CTCF: variants seen among roughly 807,000 people sequenced by gnomAD.
CTCF encodes the protein CCCTC-binding factor.
A neutral mutation model predicts 72.3 loss-of-function variants in CTCF; 7 were observed. That is an observed-to-expected ratio of 0.10 (90% CI 0.06 to 0.18). The LOEUF is 0.18. Among genes scored for constraint, CTCF ranks in the 10% least tolerant of loss-of-function variants. The pLI, the probability that CTCF is intolerant of heterozygous loss-of-function variation, is 1.00. For synonymous variants in CTCF, 374 were observed against 315.8 expected, an observed-to-expected ratio of 1.18 and a Z score of -1.95; for missense variants, 516 against 949.1, an observed-to-expected ratio of 0.54 and a Z score of 6.00.
At chr16:67,621,910 C>G (rs1359180850) in intron 7 of CTCF, among the ~76,000 whole-genome samples, 4 of 152,028 alleles carry the variant, frequency 2.6e-5, no homozygotes, top group Non-Finnish European at 5.9e-5. Context: ...AGGAAAGTAA[C>G]ATAGTGTGAT....
At chr16:67,616,899 T>C in intron 5 of CTCF, 21 bp downstream of exon 5, 1 of 1,613,324 alleles carries the variant, frequency 6.2e-7, no homozygotes, top group Non-Finnish European at 8.5e-7. Context: ...AGCTTTTTGT[T>C]GGTATCTCTC....
At chr16:67,624,482 G>A (rs2052254642) in intron 7 of CTCF, among the ~76,000 whole-genome samples, 1 of 151,870 alleles carries the variant, frequency 6.6e-6, no homozygotes, top group South Asian at 2.1e-4. Flanking sequence ...TTCTTCCCTT[G>A]GCCTCTGTGA....
chr16:67,569,535 C>G (rs556798318), intron 1 of CTCF, among the ~76,000 whole-genome samples: 1 of 152,094 alleles, frequency 6.6e-6, no homozygotes, highest in East Asian at 1.9e-4. Flanking sequence ...AGGTTCCACT[C>G]TACCTTTGCT....
rs1597723987 is a variant in CTCF, at chr16:67,624,914, G to A, written c.1358-1641G>A. 2.0e-5 allele frequency among the ~76,000 whole-genome samples: 3 copies of A among 151,828 alleles called. 1 individual carries two copies. The highest frequency in any genetic ancestry group is 4.2e-4 in the South Asian group (2 of 4,812). ...TGGCCCAACTCTGAGACTTCTTTGT[G>A]TGTATGTGTGCTTGTGTGCTTTGTG... On this transcript the variant is annotated intron_variant, in intron 7 of 11. Transcript: ENST00000264010.
intron 5 of CTCF, among the ~76,000 whole-genome samples, chr16:67,619,894 T>G (rs2052180165): frequency 6.6e-6 from 1 of 152,020 alleles, no homozygotes; most frequent in Admixed American, 6.6e-5. Flanking sequence ...CTCAAAGCAC[T>G]TCATAGAATC....
chr16:67,573,479 T>C (rs1273406754), intron 2 of CTCF, among the ~76,000 whole-genome samples: 1 of 152,058 alleles, frequency 6.6e-6, no homozygotes, highest in Non-Finnish European at 1.5e-5. Flanking sequence ...TTAAAACAAA[T>C]AGACATTTTT....
At chr16:67,622,799 A>G (rs377160229) in intron 7 of CTCF, among the ~76,000 whole-genome samples, 5 of 146,796 alleles carry the variant, frequency 3.4e-5, no homozygotes, top group East Asian at 4.0e-4. Context: ...GCATACCACC[A>G]TGCCCGGCTA....
In CTCF at chr16:67,629,441, G is replaced by A. The variant is rs2052333197; in HGVS notation, c.1745G>A (p.Gly582Asp). ...GCTGATAATTGTGCTGGCCCAGATG[G>A]CGTAGAGGGGGAAAATGGAGGAGAA... is the stretch of plus-strand genomic sequence containing the variant. ...RHADNCAGPDGVEGENGGETK... is the reference protein window; with the variant it reads ...RHADNCAGPDDVEGENGGETK... The change falls in exon 10 of 12, where the codon GGC becomes GAC. Residue 582 changes from glycine (G) to aspartate (D), a missense_variant. By Grantham distance (94) the Gly-to-Asp change is moderately conservative (BLOSUM62 -1). This residue lies in a region of CTCF where 157 missense variants were observed against 172.9 expected (regional missense o/e 0.91). Coordinates refer to ENST00000264010, the MANE Select transcript of CTCF (RefSeq NM_006565.4). The A allele has an allele frequency of 6.2e-7, 1 of 1,610,846 alleles. No individual in the cohort carries two copies. The highest frequency in any genetic ancestry group is 8.5e-7 in the Non-Finnish European group (1 of 1,178,556).
chr16:67,623,616 C>T (rs989081721), intron 7 of CTCF, among the ~76,000 whole-genome samples: 11 of 145,894 alleles, frequency 7.5e-5, no homozygotes, highest in African/African-American at 2.8e-4. Context: ...GCTTGGGTGA[C>T]AGAGAGACCC....
At chr16:67,587,063 C>T (rs955237826) in intron 2 of CTCF, among the ~76,000 whole-genome samples, 3 of 148,630 alleles carry the variant, frequency 2.0e-5, no homozygotes, top group Non-Finnish European at 4.4e-5. Context: ...CTGCTACTTG[C>T]TAAAGATGTC....
intron 5 of CTCF, among the ~76,000 whole-genome samples, chr16:67,618,503 A>G (rs1468165026): frequency 6.6e-6 from 1 of 152,262 alleles, no homozygotes; most frequent in African/African-American, 2.4e-5. Context: ...GAATATGACA[A>G]GATATTCATT....
At chr16:67,629,266 C>G (rs2052331302) in intron 9 of CTCF, 132 bp from the exon 10 acceptor site, 7 of 775,314 alleles carry the variant, frequency 9.0e-6, no homozygotes, top group African/African-American at 5.3e-5. Context: ...TGAGCAGAGA[C>G]AGCGTGTTCA....
At chr16:67,600,474 C>T (rs1459947564) in intron 2 of CTCF, among the ~76,000 whole-genome samples, 2 of 152,158 alleles carry the variant, frequency 1.3e-5, no homozygotes, top group Non-Finnish European at 2.9e-5. Context: ...AAGGGATCTG[C>T]CCACCTCAGC....
At chr16:67,628,678 G>T (rs1468190460) in intron 9 of CTCF, 126 bp downstream of exon 9, 6 of 947,210 alleles carry the variant, frequency 6.3e-6, no homozygotes, top group Non-Finnish European at 9.8e-6. Flanking sequence ...TTTGGAAAGG[G>T]TTAGTCATCC....
intron 4 of CTCF, among the ~76,000 whole-genome samples, chr16:67,612,805 C>T (rs866880996): frequency 3.3e-5 from 5 of 150,936 alleles, no homozygotes; most frequent in African/African-American, 7.3e-5. Context: ...GGTGTGGTGG[C>T]GGGTGCCTGT....
intron 2 of CTCF, among the ~76,000 whole-genome samples, chr16:67,605,098 G>A (rs952368115): frequency 1.4e-5 from 2 of 146,014 alleles, no homozygotes; most frequent in Non-Finnish European, 3.0e-5. Flanking sequence ...TCAGCCTCCC[G>A]AGTAGCTGGG....
In CTCF at chr16:67,635,083, G is replaced by A. The variant is rs371291099; in HGVS notation, c.1838-1607G>A. ...TGTTGCCAGGCTGGAGTGCAGTGGC[G>A]CAATCTTGGCTCACTGCAACCTCTG... is the stretch of plus-strand genomic sequence containing the variant. On this transcript the variant is annotated intron_variant, in intron 10 of 11. Coordinates refer to ENST00000264010, the MANE Select transcript of CTCF (RefSeq NM_006565.4). Among the ~76,000 whole-genome samples the A allele has an allele frequency of 1.3e-3, 193 of 151,792 alleles. 5 individuals are homozygous for A. The South Asian group carries it at 0.019, about 15-fold the overall frequency.
At chr16:67,604,745 G>GT (rs1008114398) in intron 2 of CTCF, among the ~76,000 whole-genome samples, 3 of 103,276 alleles carry the variant, frequency 2.9e-5, no homozygotes, top group South Asian at 2.8e-4. Flanking sequence ...TTTTTTTTTT[G>GT]TTTTTTGTTT....
intron 2 of CTCF, among the ~76,000 whole-genome samples, chr16:67,578,366 C>G (rs1597683763): frequency 8.2e-6 from 1 of 121,910 alleles, no homozygotes; most frequent in South Asian, 2.8e-4. Flanking sequence ...AGGGTTTTCA[C>G]TCTGTTGCCC....
Sources: gnomAD v4.1 joint callset for allele counts (sites outside exome capture counted in the v4.1 genomes callset) on GRCh38, gnomAD v4.1.1 for gene constraint, gnomAD v4.1.1 regional missense constraint, MANE v1.5 for transcripts, NCBI Gene and HGNC (gene_info 2026-07-23, HGNC 2026-07-21) for gene names.